Variants in MAP2K5 observed in about 807,000 individuals in gnomAD.
The protein encoded by MAP2K5 is mitogen-activated protein kinase kinase 5.
MAP2K5 carries 49 observed loss-of-function variants against 83.1 expected under a neutral mutation model. The observed-to-expected ratio is 0.59, with a 90% CI of 0.47 to 0.75. MAP2K5 has a LOEUF of 0.75. Ranked by LOEUF, MAP2K5 falls within the 30% of genes least tolerant of loss-of-function variation. The pLI is 0.00. For missense variants in MAP2K5, 457 were observed against 557.5 expected (o/e 0.82, Z 1.82); for synonymous variants, 202 against 191.8 (o/e 1.05, Z -0.44).
At chr15:67,623,404 C>T (rs182423159) in intron 8 of MAP2K5, among the ~76,000 whole-genome samples, 137 of 152,226 alleles carry the variant, frequency 9.0e-4, no homozygotes, top group African/African-American at 2.7e-3. Context: ...AGTAATACTA[C>T]GTGTTTAAGT....
At chr15:67,661,901 C>G (rs1034059239) in intron 12 of MAP2K5, among the ~76,000 whole-genome samples, 2 of 151,928 alleles carry the variant, frequency 1.3e-5, no homozygotes, top group African/African-American at 4.8e-5. Flanking sequence ...AAATTGTTAT[C>G]GTTATGGATG....
rs1232008747 is a variant in MAP2K5 at position 67,617,726 on chromosome 15, C to CT, written c.546-13161dup. ...TTATTTTTTGATACAGGGCCTCACTCTGTCACCTAGGCTGGAGTGCAGTGA... is the reference window on the plus strand; with the variant it reads ...TTATTTTTTGATACAGGGCCTCACTCTTGTCACCTAGGCTGGAGTGCAGTGA... On this transcript the variant is annotated intron_variant, in intron 8 of 21. Transcript: ENST00000178640. Among the ~76,000 whole-genome samples, 3 of 152,072 alleles carry CT rather than the reference C, an allele frequency of 2.0e-5. No individual in the cohort carries two copies. In the East Asian group the frequency reaches 5.8e-4, roughly 29 times the overall value.
rs547464795 is a variant in MAP2K5 at position 67,584,842 on chromosome 15, G to A, written c.323-1048G>A. Among the ~76,000 whole-genome samples, 28 of 151,076 alleles carry A rather than the reference G, an allele frequency of 1.9e-4. 1 individual carries two copies. In the South Asian group the frequency reaches 5.3e-3, roughly 28 times the overall value. ...CTCCCGAGTAGCTGGGACTACAGGC[G>A]CCCGCCACCATGCCCAGCTAATTTT... On this transcript the variant is annotated intron_variant, in intron 4 of 21. Transcript: ENST00000178640.
Position 67,652,274 on chromosome 15 carries a change from T to G in MAP2K5, c.736+5805T>G, listed in dbSNP as rs1291589543. ...TAATACTCATACAAAAATTTTAACCTTATTAGCCATGATATTAGTCCATCT... is the reference window on the plus strand; with the variant it reads ...TAATACTCATACAAAAATTTTAACCGTATTAGCCATGATATTAGTCCATCT... On this transcript the variant is annotated intron_variant, in intron 11 of 21. Transcript: ENST00000178640. This position sits in a 1 kb window ranked among gnomAD's most constrained non-coding sequence, Gnocchi z 4.2. 1.3e-5 allele frequency among the ~76,000 whole-genome samples: 2 copies of G among 152,190 alleles called. No individual in the cohort carries two copies. The highest frequency in any genetic ancestry group is 2.9e-5 in the Non-Finnish European group (2 of 68,032).
intron 20 of MAP2K5, 24 bp from the exon 21 acceptor site, chr15:67,772,683 G>T (rs756468261): frequency 6.6e-7 from 1 of 1,519,504 alleles, no homozygotes; most frequent in South Asian, 1.3e-5. Context: ...GATAACATAA[G>T]GGGTTTTTTT....
In MAP2K5 at chr15:67,628,634, A is replaced by G. The variant is rs187424417; in HGVS notation, c.546-2254A>G. 296 of 1,125,958 alleles carry G rather than the reference A, an allele frequency of 2.6e-4. No individual in the cohort carries two copies. The African/African-American group carries it at 4.0e-3, about 15-fold the overall frequency. The allele number at this position is 1,125,958 out of a possible 1,614,324, so 69.7% of individuals were successfully genotyped here. ...TTTGCCTTTATAACCTTTGACGACC[A>G]TGACTCTGTGGATAAGACTGTCATT... On this transcript the variant is annotated intron_variant, in intron 8 of 21. Transcript: ENST00000178640.
chr15:67,707,380 T>C (rs1429800403), intron 16 of MAP2K5, among the ~76,000 whole-genome samples: 2 of 152,190 alleles, frequency 1.3e-5, no homozygotes, highest in African/African-American at 2.4e-5. Context: ...TAGACAGAAG[T>C]GTGAATCTCA....
chr15:67,704,090 TG>T (rs1156491246), intron 16 of MAP2K5, among the ~76,000 whole-genome samples: 5 of 152,212 alleles, frequency 3.3e-5, no homozygotes, highest in African/African-American at 1.2e-4. Flanking sequence ...CTCTATGCTA[TG>T]TTTTTTTTAA....
At chr15:67,580,075 C>T (rs183495036) in intron 3 of MAP2K5, among the ~76,000 whole-genome samples, 1 of 152,148 alleles carries the variant, frequency 6.6e-6, no homozygotes, top group Non-Finnish European at 1.5e-5. Context: ...AACCACAGTA[C>T]CACCTACTGA....
Position 67,649,299 on chromosome 15 carries a change from A to C in MAP2K5, c.736+2830A>C, listed in dbSNP as rs574233707. 3.3e-5 allele frequency among the ~76,000 whole-genome samples: 5 copies of C among 152,194 alleles called. No individual in the cohort carries two copies. In the East Asian group the frequency reaches 9.6e-4, roughly 29 times the overall value. ...TATTCTAATACTTGGCTCTTATCAGATATGGGATTTCCAAATATTTTCACT... is the reference window on the plus strand; with the variant it reads ...TATTCTAATACTTGGCTCTTATCAGCTATGGGATTTCCAAATATTTTCACT... On this transcript the variant is annotated intron_variant, in intron 11 of 21. Coordinates refer to ENST00000178640, the MANE Select transcript of MAP2K5 (RefSeq NM_145160.3).
At chr15:67,671,827 A>C (rs1183842162) in intron 13 of MAP2K5, among the ~76,000 whole-genome samples, 3 of 92,198 alleles carry the variant, frequency 3.3e-5, no homozygotes, top group Admixed American at 1.5e-4. Flanking sequence ...CCCACCCCAC[A>C]ACAGTCCCCA....
intron 1 of MAP2K5, chr15:67,546,714 C>A: frequency 3.7e-6 from 2 of 539,112 alleles, no homozygotes; most frequent in Non-Finnish European, 4.7e-6. Context: ...AATGCCCAAC[C>A]CTCTCCCCTC....
At chr15:67,605,882 A>G (rs1019318291) in intron 8 of MAP2K5, among the ~76,000 whole-genome samples, 10 of 152,332 alleles carry the variant, frequency 6.6e-5, no homozygotes, top group African/African-American at 2.4e-4. Flanking sequence ...GCGAGGCTGT[A>G]CAATTGTTGT....
At chr15:67,566,882 C>G (rs1193959534) in intron 3 of MAP2K5, among the ~76,000 whole-genome samples, 2 of 152,150 alleles carry the variant, frequency 1.3e-5, no homozygotes, top group African/African-American at 4.8e-5. Flanking sequence ...ATAATAATGG[C>G]ATACAGTGGT....
intron 17 of MAP2K5, among the ~76,000 whole-genome samples, chr15:67,737,693 G>T (rs2089372764): frequency 6.6e-6 from 1 of 152,112 alleles, no homozygotes. Context: ...GTCTGTTTAT[G>T]CACAGAGCCA....
At chr15:67,558,934 T>C (rs1219224711) in intron 2 of MAP2K5, among the ~76,000 whole-genome samples, 1 of 152,180 alleles carries the variant, frequency 6.6e-6, no homozygotes. Context: ...TACTTTTATT[T>C]GCTGGAAGGA....
At position 67,605,494 on chromosome 15, in the gene MAP2K5, T is replaced by A. The variant is rs533858425; in HGVS notation, c.545+4745T>A. ...TAGTTGCTTAATGAATCATGATATC[T>A]TATGTATTATCTTAAATACAATGAT... On this transcript the variant is annotated intron_variant, in intron 8 of 21. Transcript: ENST00000178640. Among the ~76,000 whole-genome samples, 163 of 152,350 alleles carry A rather than the reference T, an allele frequency of 1.1e-3. 1 individual carries two copies. Among genetic ancestry groups the A allele is most frequent in the Non-Finnish European group, 1.4e-3 (98 of 68,036 alleles).
In MAP2K5 at chr15:67,721,314, TTAAG is replaced by T. The variant is rs573078129; in HGVS notation, c.1045-6596_1045-6593del. 5.8e-3 allele frequency among the ~76,000 whole-genome samples: 880 copies of T among 152,318 alleles called. 3 individuals carry two copies. The highest frequency in any genetic ancestry group is 0.014 in the South Asian group (66 of 4,826). On this transcript the variant is annotated intron_variant, in intron 16 of 21. Coordinates refer to ENST00000178640, the MANE Select transcript of MAP2K5 (RefSeq NM_145160.3). ...TTATTTGTGCTACTGTTTGGGCTCCTTAAGTAAGTTTATATCAGTGGACTTTGGT... is the reference window on the plus strand; with the variant it reads ...TTATTTGTGCTACTGTTTGGGCTCCTTAAGTTTATATCAGTGGACTTTGGT...
intron 16 of MAP2K5, among the ~76,000 whole-genome samples, chr15:67,714,594 C>G (rs1300331203): frequency 6.6e-6 from 1 of 152,084 alleles, no homozygotes; most frequent in East Asian, 1.9e-4. Context: ...GTCAACTTTT[C>G]CACACCATAA....
Sources: allele counts gnomAD v4.1 joint callset (sites outside exome capture counted in the v4.1 genomes callset), GRCh38; gene constraint gnomAD v4.1.1; non-coding constraint Gnocchi (gnomAD v3.1); transcripts MANE v1.5; gene names NCBI Gene and HGNC (gene_info 2026-07-23, HGNC 2026-07-21).